The following RABEP2 variants were observed in gnomAD, a reference collection of about 807,000 sequenced individuals.
RABEP2 encodes the protein rab GTPase-binding effector protein 2.
RABEP2 carries 57 observed loss-of-function variants against 74.1 expected under a neutral mutation model. The ratio of observed to expected loss-of-function variants is 0.77; its 90% confidence interval spans 0.62 to 0.96. The LOEUF (loss-of-function observed/expected upper bound fraction) is 0.96. RABEP2 is among the 40% of genes least tolerant of loss of function. The pLI is 0.00. For synonymous variants in RABEP2, 351 were observed against 344.0 expected (o/e 1.02, Z -0.23); for missense variants, 692 against 756.3 (o/e 0.91, Z 1.00).
At chr16:28,925,063 C>A in intron 1 of RABEP2, 40 bp downstream of exon 1, 2 of 1,545,884 alleles carry the variant, frequency 1.3e-6, no homozygotes, top group Non-Finnish European at 1.7e-6. Flanking sequence ...CCGCCCCCAG[C>A]ATCACCGTTC....
intron 2 of RABEP2, among the ~76,000 whole-genome samples, chr16:28,921,784 G>A (rs1964471191): frequency 6.6e-6 from 1 of 150,986 alleles, no homozygotes; most frequent in African/African-American, 2.4e-5. Context: ...GGCCAACATA[G>A]TGAAACCTTG....
At chr16:28,908,817 C>T in intron 7 of RABEP2, 53 bp from the exon 8 acceptor site, 1 of 1,561,932 alleles carries the variant, frequency 6.4e-7, no homozygotes, top group Non-Finnish European at 8.7e-7. Flanking sequence ...CGTCTCCAGT[C>T]CCTAGGAGGC....
At chr16:28,914,153 TG>T (rs879596210) in intron 5 of RABEP2, 82 bp downstream of exon 5, 260 of 1,182,864 alleles carry the variant, frequency 2.2e-4, no homozygotes, top group Middle Eastern at 3.0e-4. Flanking sequence ...GCTCTAGTTC[TG>T]GGTCTGAACA....
chr16:28,904,612 G>A lies in RABEP2; in HGVS notation c.*331C>T, dbSNP rs1019623014. On this transcript the variant is annotated 3_prime_UTR_variant, in exon 13 of 13. Transcript: ENST00000358201. ...GGGGACTCCCAGCCCCCATGGCTCC[G>A]CTGTGCCCTGGGCAGGGGACGGGCT... 43 of 1,095,758 alleles carry A rather than the reference G, an allele frequency of 3.9e-5. No homozygotes were observed. Among genetic ancestry groups the A allele is most frequent in the East Asian group, 2.1e-4 (6 of 28,046 alleles). 67.9% of individuals were successfully genotyped at this position (1,095,758 alleles called of 1,614,324 possible).
rs1178390196 is a variant in RABEP2 at position 28,904,908 on chromosome 16, C to T, written c.*35G>A. 6.5e-7 allele frequency: 1 copy of T among 1,528,652 alleles called. No individual in the cohort carries two copies. Among genetic ancestry groups the T allele is most frequent in the Admixed American group, 1.7e-5 (1 of 58,692 alleles). The allele number at this position is 1,528,652 out of a possible 1,614,324, so 94.7% of individuals were successfully genotyped here. On this transcript the variant is annotated 3_prime_UTR_variant, in exon 13 of 13. Transcript: ENST00000358201. Reference sequence around the variant, plus strand: ...ATGGTTCAGGAGTGGGGAAAGGCGTCTTTCCCAGGGTGGGGGTGGGGATAT... The same window carrying T: ...ATGGTTCAGGAGTGGGGAAAGGCGTTTTTCCCAGGGTGGGGGTGGGGATAT...
At chr16:28,913,778 C>CTT (rs1163826105) in intron 5 of RABEP2, among the ~76,000 whole-genome samples, 50 of 120,438 alleles carry the variant, frequency 4.2e-4, no homozygotes, top group Admixed American at 1.4e-3. Context: ...CACCCGGCCT[C>CTT]TTTTTTTTTT....
At position 28,914,160 on chromosome 16, in the gene RABEP2, G is replaced by A. The variant is rs1964351833; in HGVS notation, c.894+76C>T. ...AAGCTCCGGCTCTAGTTCTGGGTCT[G>A]AACACAGGTGGTGCGGGGGAAGCAT... is the stretch of plus-strand genomic sequence containing the variant. On this transcript the variant is annotated intron_variant, in intron 5 of 12. Coordinates refer to ENST00000358201, the MANE Select transcript of RABEP2 (RefSeq NM_024816.3). 1.5e-5 allele frequency: 19 copies of A among 1,275,722 alleles called. No individual in the cohort carries two copies. The South Asian group carries it at 2.8e-4, about 19-fold the overall frequency. 79.0% of individuals were successfully genotyped at this position (1,275,722 alleles called of 1,614,324 possible).
intron 2 of RABEP2, chr16:28,921,346 A>C (rs565618265): frequency 5.5e-4 from 226 of 411,220 alleles, no homozygotes; most frequent in African/African-American, 4.4e-3. Context: ...CTGGGCTTGG[A>C]TATCCCAGAG....
chr16:28,906,324 G>A (rs1964230835), intron 8 of RABEP2, 128 bp from the exon 9 acceptor site: 5 of 1,252,908 alleles, frequency 4.0e-6, no homozygotes, highest in South Asian at 1.6e-5. Flanking sequence ...GGGCTAAAGT[G>A]GGGAAGAGCC....
At chr16:28,919,457 A>G (rs563547929) in intron 3 of RABEP2, among the ~76,000 whole-genome samples, 45 of 152,368 alleles carry the variant, frequency 3.0e-4, no homozygotes, top group African/African-American at 1.1e-3. Context: ...GCCAAGAGCT[A>G]ACAATATATT....
At position 28,905,712 on chromosome 16, in the gene RABEP2, G is replaced by A. The variant is rs1964216758; in HGVS notation, c.1483C>T (p.Gln495Ter). The A allele has an allele frequency of 6.2e-7, 1 of 1,613,842 alleles. No homozygotes were observed. The highest frequency in any genetic ancestry group is 8.5e-7 in the Non-Finnish European group (1 of 1,179,898). ...CCTGCCCTCCCCCTCACCTTGCTCTGTTCCTGCTGCACCCGCTCCATCTCT... is the reference window on the plus strand; with the variant it reads ...CCTGCCCTCCCCCTCACCTTGCTCTATTCCTGCTGCACCCGCTCCATCTCT... ...RTEMERVQQE[Q>*]SKAQLPDLLS... is the part of the protein sequence containing the mutation. Residue 495 changes from glutamine (Q) to a stop codon, truncating the protein, a stop_gained, in exon 11 of 13, where the codon CAG becomes TAG. Coordinates refer to ENST00000358201, the MANE Select transcript of RABEP2 (RefSeq NM_024816.3). LOFTEE classifies it high-confidence loss of function.
At position 28,906,125 on chromosome 16, in the gene RABEP2, G is replaced by A. The variant is rs766845522; in HGVS notation, c.1317C>T (p.Ala439=). The change falls in exon 9 of 13, where the codon GCC becomes GCT. Residue 439 remains alanine (A), a synonymous_variant. Transcript: ENST00000358201. Reference sequence around the variant, plus strand: ...TCACGATCTCGATCCGCAGGCGCTCGGCCCCGTGCTCCTGGGCCTGCAGCC... The same window carrying A: ...TCACGATCTCGATCCGCAGGCGCTCAGCCCCGTGCTCCTGGGCCTGCAGCC... The part of the protein sequence containing the change: ...RARLQAQEHG[A]ERLRIEIVTL... 37 of 1,577,786 alleles carry A rather than the reference G, an allele frequency of 2.3e-5. No homozygotes were observed. The highest frequency in any genetic ancestry group is 1.5e-4 in the African/African-American group (11 of 74,046).
At chr16:28,910,843 T>A (rs762295846) in intron 7 of RABEP2, 45 bp downstream of exon 7, 244 of 1,536,024 alleles carry the variant, frequency 1.6e-4, no homozygotes, top group Non-Finnish European at 2.1e-4. Context: ...AACTGATTCC[T>A]GCTGGACTCC....
intron 5 of RABEP2, among the ~76,000 whole-genome samples, chr16:28,911,477 C>A (rs1964313519): frequency 6.6e-6 from 1 of 151,902 alleles, no homozygotes; most frequent in Non-Finnish European, 1.5e-5. Flanking sequence ...GCCTGGCCAA[C>A]ATGGTAAAAC....
Position 28,906,094 on chromosome 16 carries a change from G to A in RABEP2, c.1348C>T (p.Arg450Trp), listed in dbSNP as rs748360667. The part of the protein sequence containing the change: ...ERLRIEIVTL[R>W]EALEEETVAR... ...ACTGTCTCCTCCTCCAGAGCCTCCC[G>A]CAGCGTCACGATCTCGATCCGCAGG... The change falls in exon 9 of 13, where the codon CGG becomes TGG. Residue 450 changes from arginine (R) to tryptophan (W), a missense_variant. By Grantham distance (101) the Arg-to-Trp change is moderately radical. Coordinates refer to ENST00000358201, the MANE Select transcript of RABEP2 (RefSeq NM_024816.3). 8.1e-6 allele frequency: 13 copies of A among 1,595,834 alleles called. No homozygotes were observed. Among genetic ancestry groups the A allele is most frequent in the African/African-American group, 2.7e-5 (2 of 74,612 alleles).
At position 28,911,293 on chromosome 16, in the gene RABEP2, T is replaced by C. The variant is rs1964310438; in HGVS notation, c.895-114A>G. On this transcript the variant is annotated intron_variant, in intron 5 of 12. Coordinates refer to ENST00000358201, the MANE Select transcript of RABEP2 (RefSeq NM_024816.3). ...CCCTCATCCACACAGTCCGTCAAATTACAGGCCCAGCCATCCATTCTCTTC... is the reference window on the plus strand; with the variant it reads ...CCCTCATCCACACAGTCCGTCAAATCACAGGCCCAGCCATCCATTCTCTTC... 51 of 926,858 alleles carry C rather than the reference T, an allele frequency of 5.5e-5. No individual in the cohort carries two copies. The South Asian group carries it at 8.1e-4, about 15-fold the overall frequency. The allele number at this position is 926,858 out of a possible 1,614,324, so 57.4% of individuals were successfully genotyped here. A position where few individuals can be genotyped will look rare whatever the true frequency, so the allele number is the denominator to read the frequency against.
In RABEP2 at chr16:28,914,916, G is replaced by C. The variant is rs181315404; in HGVS notation, c.433-134C>G. Reference sequence around the variant, plus strand: ...GAAGGTGCTGTCCACCCTCATTCCAGAGATAAGAACACAGAGGCTCTAGAA... The same window carrying C: ...GAAGGTGCTGTCCACCCTCATTCCACAGATAAGAACACAGAGGCTCTAGAA... On this transcript the variant is annotated intron_variant, in intron 3 of 12. Transcript: ENST00000358201. The C allele has an allele frequency of 1.0e-4, 75 of 718,716 alleles. No individual in the cohort carries two copies. In the African/African-American group the frequency reaches 1.1e-3, roughly 10 times the overall value. 44.5% of individuals were successfully genotyped at this position (718,716 alleles called of 1,614,324 possible).
intron 2 of RABEP2, among the ~76,000 whole-genome samples, chr16:28,920,345 C>T (rs115806083): frequency 0.066 from 9,868 of 149,472 alleles, 1,068 homozygotes; most frequent in African/African-American, 0.22. Flanking sequence ...TATTTAAGAA[C>T]GGTAAGAATT....
chr16:28,908,142 C>T (rs1219621100), intron 8 of RABEP2, among the ~76,000 whole-genome samples: 9 of 151,874 alleles, frequency 5.9e-5, no homozygotes, highest in Admixed American at 2.6e-4. Flanking sequence ...AGGGTTTTAC[C>T]GTTGGCCAGG....
Sources: gnomAD v4.1 joint callset for allele counts (sites outside exome capture counted in the v4.1 genomes callset) on GRCh38, gnomAD v4.1.1 for gene constraint, MANE v1.5 for transcripts, NCBI Gene and HGNC (gene_info 2026-07-23, HGNC 2026-07-21) for gene names.